DIP2A: variants seen among roughly 807,000 people sequenced by gnomAD.
The protein encoded by DIP2A is DIP2 acetate--CoA ligase A.
A neutral mutation model predicts 177.4 loss-of-function variants in DIP2A; 85 were observed. The ratio of observed to expected loss-of-function variants is 0.48; its 90% CI spans 0.40 to 0.57. DIP2A has a LOEUF of 0.57. Among genes scored for constraint, DIP2A ranks in the 20% least tolerant of loss-of-function variants. The probability of loss-of-function intolerance (pLI) is 0.00; values close to 1 mark genes in which losing one functional copy is unlikely to be tolerated. For missense variants in DIP2A, 1,791 were observed against 2,100.2 expected (o/e 0.85, Z 2.88); for synonymous variants, 886 against 881.8 (o/e 1.00, Z -0.08).
chr21:46,539,851 C>T lies in DIP2A; in HGVS notation c.1922-26C>T, dbSNP rs201088931. 344 of 1,578,786 alleles carry T rather than the reference C, an allele frequency of 2.2e-4. 1 individual carries two copies. The Middle Eastern group carries it at 2.3e-3, about 11-fold the overall frequency. On this transcript the variant is annotated intron_variant, in intron 16 of 37. Coordinates refer to ENST00000417564, the MANE Select transcript of DIP2A (RefSeq NM_015151.4). ...CTGCTGGCCCCCCAGTTAGTGCTGG[C>T]GTTCCACTCTTGTTGCTCTGTGCAG...
Position 46,509,390 on chromosome 21 carries a change from A to G in DIP2A, c.904+14A>G, listed in dbSNP as rs1601586733. 1 of 1,596,510 alleles carries G rather than the reference A, an allele frequency of 6.3e-7. No homozygotes were observed. The highest frequency in any genetic ancestry group is 8.5e-7 in the Non-Finnish European group (1 of 1,173,154). ...AATTGTTGGAAGGTAAGAGTTGTCC[A>G]ACTTTGAGCTTTTCTGTTTGTATGA... On this transcript the variant is annotated intron_variant, in intron 7 of 37. Transcript: ENST00000417564.
chr21:46,487,011 T>C (rs370440323), intron 2 of DIP2A, among the ~76,000 whole-genome samples: 31 of 152,296 alleles, frequency 2.0e-4, no homozygotes, highest in African/African-American at 7.5e-4. Flanking sequence ...GATCTGTTAA[T>C]ATTTAGAGAG....
rs1167959135 is a variant in DIP2A at position 46,490,549 on chromosome 21, T to C, written c.164-51T>C. 4 of 1,517,882 alleles carry C rather than the reference T, an allele frequency of 2.6e-6. No individual in the cohort carries two copies. In the African/African-American group the frequency reaches 5.6e-5, roughly 21 times the overall value. 94.0% of individuals were successfully genotyped at this position (1,517,882 alleles called of 1,614,324 possible). On this transcript the variant is annotated intron_variant, in intron 2 of 37. Transcript: ENST00000417564. Reference sequence around the variant, plus strand: ...CTGTTTTCAATGGACTTTTTCATAATTGGAAAAGCAAATTGTTCACATAAG... The same window carrying C: ...CTGTTTTCAATGGACTTTTTCATAACTGGAAAAGCAAATTGTTCACATAAG...
At chr21:46,464,844 T>C (rs11702840) in intron 1 of DIP2A, among the ~76,000 whole-genome samples, 1,739 of 110,914 alleles carry the variant, frequency 0.016, 130 homozygotes, top group African/African-American at 0.062. Context: ...TTTTTTTTTT[T>C]CAAGAAAACA....
In DIP2A at chr21:46,498,831, T is replaced by C. The variant is rs1601526960; in HGVS notation, c.653T>C (p.Ile218Thr). The C allele has an allele frequency of 6.2e-7, 1 of 1,612,464 alleles. No individual in the cohort carries two copies. Among genetic ancestry groups the C allele is most frequent in the East Asian group, 2.2e-5 (1 of 44,848 alleles). The change falls in exon 5 of 38, where the codon ATA becomes ACA. Residue 218 changes from isoleucine (I) to threonine (T), a missense_variant and splice_region_variant. Physicochemically the swap from Ile to Thr is moderately conservative, Grantham distance 89. Transcript: ENST00000417564. This position sits in a 1 kb window ranked among gnomAD's most constrained non-coding sequence, Gnocchi z 4.3. ...GCAGGCCTCGAGGCCCACACCCACA[T>C]AGGTCAGTAATAAGCTGCTGCGGCC... ...ALAGLEAHTH[I>T]DLHSAPPDVT...
chr21:46,566,884 G>A (rs1294367992), intron 37 of DIP2A, among the ~76,000 whole-genome samples: 2 of 152,242 alleles, frequency 1.3e-5, no homozygotes, highest in Non-Finnish European at 2.9e-5. Context: ...AGAGGGCTGA[G>A]GACTTCTTGT....
intron 6 of DIP2A, among the ~76,000 whole-genome samples, chr21:46,506,941 C>T (rs992383997): frequency 7.3e-5 from 11 of 151,514 alleles, no homozygotes; most frequent in Admixed American, 4.6e-4. Context: ...GCTGGGATTA[C>T]AGGCATGTGC....
chr21:46,511,727 G>GTTT, intron 8 of DIP2A, 113 bp downstream of exon 8: 3 of 1,171,598 alleles, frequency 2.6e-6, no homozygotes, highest in Non-Finnish European at 3.5e-6. Context: ...AGCACAGCTG[G>GTTT]CAGATAAATA....
At chr21:46,555,020 A>C in intron 28 of DIP2A, 87 bp downstream of exon 28, 5 of 1,343,456 alleles carry the variant, frequency 3.7e-6, no homozygotes, top group Non-Finnish European at 5.1e-6. Context: ...CCAAAAACAC[A>C]CGTGAGGCAA....
chr21:46,551,189 T>C (rs746747205), intron 23 of DIP2A, among the ~76,000 whole-genome samples: 1 of 152,226 alleles, frequency 6.6e-6, no homozygotes, highest in African/African-American at 2.4e-5. Context: ...TAAAAGCTAA[T>C]TTTAGAGACT....
intron 7 of DIP2A, among the ~76,000 whole-genome samples, 185 bp downstream of exon 7, chr21:46,509,561 A>G (rs2058203844): frequency 1.3e-5 from 2 of 152,232 alleles, no homozygotes; most frequent in South Asian, 2.1e-4. Context: ...TTGAGCAGGT[A>G]GAAAATTTGC....
In DIP2A at chr21:46,567,751, A is replaced by G; in HGVS notation, c.*129A>G. 9.1e-7 allele frequency: 1 copy of G among 1,103,536 alleles called. No individual in the cohort carries two copies. 68.4% of individuals were successfully genotyped at this position (1,103,536 alleles called of 1,614,324 possible). A position where few individuals can be genotyped will look rare whatever the true frequency, so the allele number is the denominator to read the frequency against. On this transcript the variant is annotated 3_prime_UTR_variant, in exon 38 of 38. Transcript: ENST00000417564. The stretch of plus-strand genomic sequence containing the variant: ...TGTGCTCTTACAGATCCCTCTCAAC[A>G]ATCCCCGCATCTCCTTTTAGAAAGC...
At chr21:46,469,736 C>CT (rs1436676878) in intron 1 of DIP2A, among the ~76,000 whole-genome samples, 2 of 152,210 alleles carry the variant, frequency 1.3e-5, no homozygotes, top group African/African-American at 4.8e-5. Flanking sequence ...TGCCTTTAGT[C>CT]TAAGACTTTT....
At chr21:46,500,196 C>CGTCTCA (rs926432755) in intron 5 of DIP2A, among the ~76,000 whole-genome samples, 44 of 152,296 alleles carry the variant, frequency 2.9e-4, no homozygotes, top group African/African-American at 1.0e-3. Context: ...CTGAGGCGTC[C>CGTCTCA]GTCTCAGATG....
rs929395913 is a variant in DIP2A, at chr21:46,569,498, A to C, written c.*1876A>C. ...GGAAGGGAAAGAAAAAAAAAAAAAA[A>C]CTACCTAACTCCAATCTTAATGTTG... On this transcript the variant is annotated 3_prime_UTR_variant, in exon 38 of 38. Coordinates refer to ENST00000417564, the MANE Select transcript of DIP2A (RefSeq NM_015151.4). 5.4e-5 allele frequency: 8 copies of C among 148,458 alleles called. No individual in the cohort carries two copies. Among genetic ancestry groups the C allele is most frequent in the Non-Finnish European group, 1.2e-4 (8 of 66,922 alleles). The allele number at this position is 148,458 out of a possible 1,614,324, so 9.2% of individuals were successfully genotyped here.
intron 1 of DIP2A, among the ~76,000 whole-genome samples, chr21:46,477,567 G>GTGTGTGTGTGTGTGTGTGTGTGTGTGTT (rs2055985336): frequency 8.7e-6 from 1 of 115,234 alleles, no homozygotes; most frequent in Non-Finnish European, 1.9e-5. Context: ...GTGTGTGTGT[G>GTGTGTGTGTGTGTGTGTGTGTGTGTGTT]TATTTCTTTT....
chr21:46,522,557 C>T (rs2058868493), intron 8 of DIP2A, among the ~76,000 whole-genome samples: 1 of 152,194 alleles, frequency 6.6e-6, no homozygotes, highest in Non-Finnish European at 1.5e-5. Context: ...GGGACATTTC[C>T]ATACCTTCTA....
chr21:46,467,295 CAA>C (rs527776306), intron 1 of DIP2A, among the ~76,000 whole-genome samples: 33 of 113,484 alleles, frequency 2.9e-4, no homozygotes, highest in African/African-American at 4.2e-4. Context: ...GACTCCGTCT[CAA>C]AAAAAAAAAA....
chr21:46,498,411 C>T lies in DIP2A; in HGVS notation c.404-171C>T, dbSNP rs957004113. ...CCCACAGTAGGGCTTCTTGCATGCC[C>T]TTCTAGATTGAGGGTGACCTTTGAG... On this transcript the variant is annotated intron_variant, in intron 4 of 37. Transcript: ENST00000417564. The surrounding 1 kb of genome is among the most constrained non-coding windows in gnomAD (Gnocchi z 4.3). Among the ~76,000 whole-genome samples the T allele has an allele frequency of 6.6e-5, 10 of 152,076 alleles. No individual in the cohort carries two copies. The highest frequency in any genetic ancestry group is 6.6e-4 in the Admixed American group (10 of 15,264).
Sources: gnomAD v4.1 joint callset for allele counts (sites outside exome capture counted in the v4.1 genomes callset) on GRCh38, gnomAD v4.1.1 for gene constraint, Gnocchi (gnomAD v3.1) non-coding constraint, MANE v1.5 for transcripts, NCBI Gene and HGNC (gene_info 2026-07-23, HGNC 2026-07-21) for gene names.